CCDC88A: variants seen among roughly 807,000 people sequenced by gnomAD.
The protein encoded by CCDC88A is girdin.
CCDC88A carries 54 observed loss-of-function variants against 234.3 expected under a neutral mutation model. That is an observed-to-expected ratio of 0.23 (90% confidence interval 0.19 to 0.29). CCDC88A has a LOEUF of 0.29. Ranked by LOEUF, CCDC88A falls within the 10% of genes least tolerant of loss-of-function variation. CCDC88A has a pLI of 1.00. For synonymous variants in CCDC88A, 753 were observed against 737.8 expected (o/e 1.02, Z -0.33); for missense variants, 1,832 against 2,123.4 (o/e 0.86, Z 2.70).
chr2:55,406,329 T>G (rs1222639329), intron 2 of CCDC88A, among the ~76,000 whole-genome samples: 2 of 152,224 alleles, frequency 1.3e-5, no homozygotes, highest in Non-Finnish European at 2.9e-5. Context: ...ATTATTCAAG[T>G]TAACTGGGAT....
chr2:55,297,276 TTA>T (rs1177662055), intron 29 of CCDC88A: 3 of 28,272 alleles, frequency 1.1e-4, no homozygotes, highest in Non-Finnish European at 3.3e-4. Context: ...TTTATATATA[TTA>T]TATATAATAT....
chr2:55,294,854 A>C (rs11894273), intron 31 of CCDC88A: 65 of 1,047,698 alleles, frequency 6.2e-5, no homozygotes, highest in Non-Finnish European at 7.5e-5. Context: ...GAAAATGGAC[A>C]AAGTAATTAA....
chr2:55,297,293 AATT>A (rs2104554925), intron 29 of CCDC88A: 1 of 60,926 alleles, frequency 1.6e-5, no homozygotes, highest in Admixed American at 2.8e-4. Flanking sequence ...TAATATATAT[AATT>A]TATATATAAT....
intron 3 of CCDC88A, among the ~76,000 whole-genome samples, chr2:55,388,385 T>C (rs1186669442): frequency 2.6e-5 from 4 of 151,998 alleles, no homozygotes; most frequent in Admixed American, 2.0e-4. Context: ...GAGAGGTATA[T>C]TGAAATCCTC....
At chr2:55,383,484 G>A (rs1023003648) in intron 3 of CCDC88A, among the ~76,000 whole-genome samples, 2 of 151,892 alleles carry the variant, frequency 1.3e-5, no homozygotes, top group Non-Finnish European at 2.9e-5. Flanking sequence ...TTAGCCAGGT[G>A]TGGTGGCAGG....
chr2:55,404,924 G>T (rs1679300272), intron 2 of CCDC88A: 2 of 152,158 alleles, frequency 1.3e-5, no homozygotes, highest in Non-Finnish European at 2.9e-5. Context: ...TAGAGATGGG[G>T]TTTCACCATG....
In CCDC88A at chr2:55,335,188, A is replaced by C. The variant is rs765633835; in HGVS notation, c.1657-24T>G. ...ATCTAATTTGAAAAGAAAATAATTAAAAGCTGTAATTGAGGAAAAACTAAC... is the reference window on the plus strand; with the variant it reads ...ATCTAATTTGAAAAGAAAATAATTACAAGCTGTAATTGAGGAAAAACTAAC... On this transcript the variant is annotated intron_variant, in intron 14 of 32. Transcript: ENST00000436346. This position sits in a 1 kb window ranked among gnomAD's most constrained non-coding sequence, Gnocchi z 4.5. 1.4e-6 allele frequency: 2 copies of C among 1,408,570 alleles called. No individual in the cohort carries two copies. The highest frequency in any genetic ancestry group is 3.5e-5 in the South Asian group (2 of 57,422). The allele number at this position is 1,408,570 out of a possible 1,614,324, so 87.3% of individuals were successfully genotyped here.
At position 55,291,771 on chromosome 2, in the gene CCDC88A, C is replaced by T; in HGVS notation, c.5556G>A (p.Val1852=). ...AATTTCTGCTTTCTTGTACTTTGTC[C>T]ACATCTGCAGGAGAAAAGCATTTCA... ...ADSNTTAASN[V]DKVQESRNSK... Residue 1852 remains valine (V), a synonymous_variant, in exon 32 of 33, where the codon GTG becomes GTA. Transcript: ENST00000436346. 6.2e-7 allele frequency: 1 copy of T among 1,610,176 alleles called. No homozygotes were observed. The highest frequency in any genetic ancestry group is 1.1e-5 in the South Asian group (1 of 90,852).
At chr2:55,352,557 C>T (rs887658390) in intron 8 of CCDC88A, among the ~76,000 whole-genome samples, 17 of 151,768 alleles carry the variant, frequency 1.1e-4, no homozygotes, top group South Asian at 2.1e-4. Context: ...TTCTGACCTG[C>T]GAATTATATC....
At position 55,303,623 on chromosome 2, in the gene CCDC88A, C is replaced by T. The variant is rs573748890; in HGVS notation, c.4388-471G>A. On this transcript the variant is annotated intron_variant, in intron 25 of 32. Coordinates refer to ENST00000436346, the MANE Select transcript of CCDC88A (RefSeq NM_001365480.1). ...CTCGCACTCCCAACCTCAGGTGATCCGCCCACCTCAGCCTCCCAAAGTGCT... is the reference window on the plus strand; with the variant it reads ...CTCGCACTCCCAACCTCAGGTGATCTGCCCACCTCAGCCTCCCAAAGTGCT... Among the ~76,000 whole-genome samples, 15 of 152,214 alleles carry T rather than the reference C, an allele frequency of 9.9e-5. No individual in the cohort carries two copies. In the South Asian group the frequency reaches 2.3e-3, roughly 23 times the overall value.
chr2:55,384,540 CGT>C lies in CCDC88A; in HGVS notation c.273+4236_273+4237del, dbSNP rs1491322860. Reference sequence around the variant, plus strand: ...TAAATTATATATATATACATATATACGTATATATGTGTATATATACACATATA... The same window carrying C: ...TAAATTATATATATATACATATATACATATATGTGTATATATACACATATA... On this transcript the variant is annotated intron_variant, in intron 3 of 32. Coordinates refer to ENST00000436346, the MANE Select transcript of CCDC88A (RefSeq NM_001365480.1). 2.3e-4 allele frequency among the ~76,000 whole-genome samples: 10 copies of C among 43,250 alleles called. 2 individuals are homozygous for C. The highest frequency in any genetic ancestry group is 3.7e-4 in the African/African-American group (4 of 10,792). The allele number at this position is 43,250 out of a possible 152,430, so 28.4% of individuals were successfully genotyped here. A position where few individuals can be genotyped will look rare whatever the true frequency, so the allele number is the denominator to read the frequency against.
intron 19 of CCDC88A, among the ~76,000 whole-genome samples, chr2:55,318,596 T>G (rs562499991): frequency 6.6e-6 from 1 of 152,172 alleles, no homozygotes; most frequent in Admixed American, 6.5e-5. Context: ...TTTTTTACAA[T>G]CGACTTAATG....
At chr2:55,326,153 T>C (rs1684231998) in intron 17 of CCDC88A, among the ~76,000 whole-genome samples, 1 of 148,720 alleles carries the variant, frequency 6.7e-6, no homozygotes, top group African/African-American at 2.5e-5. Flanking sequence ...CAATCTGTAC[T>C]TTCTTCCCTG....
At chr2:55,388,290 T>C (rs1250728934) in intron 3 of CCDC88A, among the ~76,000 whole-genome samples, 1 of 152,174 alleles carries the variant, frequency 6.6e-6, no homozygotes, top group African/African-American at 2.4e-5. Flanking sequence ...AAATAAATCA[T>C]AGCAGAAATT....
Position 55,288,294 on chromosome 2 carries a change from A to G in CCDC88A, c.*2906T>C, listed in dbSNP as rs1402794255. The G allele has an allele frequency of 6.6e-6, 1 of 152,658 alleles. No individual in the cohort carries two copies. The highest frequency in any genetic ancestry group is 1.5e-5 in the Non-Finnish European group (1 of 68,034). The allele number at this position is 152,658 out of a possible 1,614,324, so 9.5% of individuals were successfully genotyped here. ...TGTACATCAAGGTTTATATTATAAA[A>G]TGGGCTCCTTTTGTATTCATTCAAG... is the stretch of plus-strand genomic sequence containing the variant. On this transcript the variant is annotated 3_prime_UTR_variant, in exon 33 of 33. Coordinates refer to ENST00000436346, the MANE Select transcript of CCDC88A (RefSeq NM_001365480.1).
rs1367268305 is a variant in CCDC88A, at chr2:55,334,054, AT to A, written c.2727+39del. On this transcript the variant is annotated intron_variant, in intron 15 of 32. Coordinates refer to ENST00000436346, the MANE Select transcript of CCDC88A (RefSeq NM_001365480.1). The surrounding 1 kb of genome is among the most constrained non-coding windows in gnomAD (Gnocchi z 6.1). ...CTTAAAGAAACCTTGAGTTAAAAAT[AT>A]AAAAAAAAATTTGCCTTAATTTAGG... 1.3e-6 allele frequency: 1 copy of A among 746,964 alleles called. No individual in the cohort carries two copies. The highest frequency in any genetic ancestry group is 1.9e-6 in the Non-Finnish European group (1 of 515,314). The allele number at this position is 746,964 out of a possible 1,614,324, so 46.3% of individuals were successfully genotyped here.
At chr2:55,315,600 G>C (rs570441988) in intron 22 of CCDC88A, 1 of 168,816 alleles carries the variant, frequency 5.9e-6, no homozygotes, top group East Asian at 1.6e-4. Context: ...GCTTTGTTGG[G>C]TAATTAATTG....
At chr2:55,301,051 T>C (rs1680838094) in intron 28 of CCDC88A, 155 bp downstream of exon 28, 2 of 584,352 alleles carry the variant, frequency 3.4e-6, no homozygotes, top group Non-Finnish European at 6.0e-6. Context: ...CAGAAGGGAG[T>C]ATTAGGTTTG....
intron 25 of CCDC88A, among the ~76,000 whole-genome samples, chr2:55,304,089 G>A (rs1382965997): frequency 6.0e-5 from 9 of 150,768 alleles, no homozygotes; most frequent in Non-Finnish European, 5.9e-5. Context: ...CAGGAGGATC[G>A]CTTGAGCCCA....
Sources: gnomAD v4.1 joint callset for allele counts (sites outside exome capture counted in the v4.1 genomes callset) on GRCh38, gnomAD v4.1.1 for gene constraint, Gnocchi (gnomAD v3.1) non-coding constraint, MANE v1.5 for transcripts, NCBI Gene and HGNC (gene_info 2026-07-23, HGNC 2026-07-21) for gene names.